Variants in LIMA1 observed in about 807,000 individuals in gnomAD.
LIMA1 encodes the protein LIM domain and actin-binding protein 1.
LIMA1 carries 52 observed loss-of-function variants against 62.6 expected under a neutral mutation model. The observed-to-expected ratio is 0.83, with a 90% CI of 0.67 to 1.05. The LOEUF (loss-of-function observed/expected upper bound fraction) is 1.05, where lower values mean the gene tolerates loss of function less well. LIMA1 is among the 50% of genes least tolerant of loss of function. LIMA1 has a pLI of 0.00. For synonymous variants in LIMA1, 302 were observed against 317.8 expected (o/e 0.95, Z 0.53); for missense variants, 780 against 902.2 (o/e 0.86, Z 1.74).
chr12:50,266,616 C>T (rs1942141956), intron 1 of LIMA1, among the ~76,000 whole-genome samples: 2 of 152,100 alleles, frequency 1.3e-5, no homozygotes, highest in South Asian at 2.1e-4. Context: ...CTACCTGGGG[C>T]GGGGTGCATC....
chr12:50,178,315 G>C (rs561223303), intron 10 of LIMA1, among the ~76,000 whole-genome samples: 1 of 152,236 alleles, frequency 6.6e-6, no homozygotes, highest in South Asian at 2.1e-4. Flanking sequence ...GGGAGGCCAG[G>C]GTGAGAGGAT....
intron 3 of LIMA1, among the ~76,000 whole-genome samples, chr12:50,223,996 C>T (rs1430183982): frequency 6.6e-6 from 1 of 151,972 alleles, no homozygotes; most frequent in African/African-American, 2.4e-5. Flanking sequence ...CCAAATCGCG[C>T]CACTGCACTC....
intron 1 of LIMA1, among the ~76,000 whole-genome samples, chr12:50,250,521 G>C (rs1287916001): frequency 7.1e-6 from 1 of 141,308 alleles, no homozygotes; most frequent in African/African-American, 2.7e-5. Flanking sequence ...GCTATGAATT[G>C]CGCCACTGGA....
chr12:50,275,218 T>C (rs1426260946), intron 1 of LIMA1, among the ~76,000 whole-genome samples: 2 of 151,350 alleles, frequency 1.3e-5, no homozygotes, highest in Non-Finnish European at 2.9e-5. Flanking sequence ...AAAAACAAAA[T>C]TAGCCAGGCG....
chr12:50,228,551 C>T (rs1421852313), intron 3 of LIMA1, among the ~76,000 whole-genome samples: 2 of 152,204 alleles, frequency 1.3e-5, no homozygotes, highest in Non-Finnish European at 2.9e-5. Flanking sequence ...ACCAAGGTGC[C>T]CCTGAGCTAA....
At chr12:50,226,676 T>C (rs1941532722) in intron 3 of LIMA1, among the ~76,000 whole-genome samples, 3 of 152,062 alleles carry the variant, frequency 2.0e-5, no homozygotes, top group Non-Finnish European at 4.4e-5. Context: ...CTGTCTCTAC[T>C]ACAAATACAA....
At position 50,215,560 on chromosome 12, in the gene LIMA1, C is replaced by T. The variant is rs1484730062; in HGVS notation, c.630+6461G>A. Among the ~76,000 whole-genome samples the T allele has an allele frequency of 4.6e-5, 7 of 151,912 alleles. No individual in the cohort carries two copies. The East Asian group carries it at 1.2e-3, about 25-fold the overall frequency. Reference sequence around the variant, plus strand: ...TCTCGGCTCACTGCAAGCTCCGCCTCCCGGGTTCACGCCATTCTCCTGCCT... The same window carrying T: ...TCTCGGCTCACTGCAAGCTCCGCCTTCCGGGTTCACGCCATTCTCCTGCCT... On this transcript the variant is annotated intron_variant, in intron 4 of 10. Coordinates refer to ENST00000341247, the MANE Select transcript of LIMA1 (RefSeq NM_016357.5).
At chr12:50,246,992 C>G (rs1468053541) in intron 2 of LIMA1, among the ~76,000 whole-genome samples, 1 of 152,090 alleles carries the variant, frequency 6.6e-6, no homozygotes, top group Non-Finnish European at 1.5e-5. Flanking sequence ...ATGTCCAGGC[C>G]AGGCACAGTG....
chr12:50,227,702 C>T (rs1029247868), intron 3 of LIMA1, among the ~76,000 whole-genome samples: 1 of 152,086 alleles, frequency 6.6e-6, no homozygotes. Context: ...CACTCCCTGT[C>T]GCCTCTGCTT....
chr12:50,230,506 G>T (rs1941594235), intron 3 of LIMA1, among the ~76,000 whole-genome samples: 1 of 152,168 alleles, frequency 6.6e-6, no homozygotes, highest in Admixed American at 6.5e-5. Flanking sequence ...AAAAACAGAG[G>T]CAAGAGGGAA....
intron 10 of LIMA1, among the ~76,000 whole-genome samples, chr12:50,179,002 A>G (rs576626441): frequency 6.8e-6 from 1 of 147,610 alleles, no homozygotes; most frequent in Non-Finnish European, 1.5e-5. Context: ...TTTTGAGAGA[A>G]TCTCGCTCTG....
intron 5 of LIMA1, among the ~76,000 whole-genome samples, chr12:50,205,644 C>T (rs571929816): frequency 3.4e-4 from 51 of 152,084 alleles, no homozygotes; most frequent in African/African-American, 1.2e-3. Context: ...CAAAACTGAT[C>T]GTAGCACTTT....
intron 9 of LIMA1, chr12:50,188,012 T>G (rs1464676374): frequency 6.6e-6 from 1 of 152,178 alleles, no homozygotes; most frequent in Non-Finnish European, 1.5e-5. Flanking sequence ...ACGACACCCT[T>G]TTTGAGAATG....
intron 8 of LIMA1, among the ~76,000 whole-genome samples, chr12:50,195,115 A>T (rs1940900408): frequency 6.6e-6 from 1 of 152,180 alleles, no homozygotes; most frequent in Non-Finnish European, 1.5e-5. Context: ...AGGTGGGAGG[A>T]CTGCTTGAGC....
intron 1 of LIMA1, among the ~76,000 whole-genome samples, chr12:50,252,506 G>A (rs1453266070): frequency 6.6e-6 from 1 of 151,346 alleles, no homozygotes; most frequent in African/African-American, 2.4e-5. Flanking sequence ...TCTCGAACCT[G>A]GGAGGCGGAG....
chr12:50,280,475 G>C (rs1942328019), intron 1 of LIMA1, among the ~76,000 whole-genome samples: 1 of 152,070 alleles, frequency 6.6e-6, no homozygotes, highest in Admixed American at 6.6e-5. Context: ...GTAGTATTAA[G>C]AAATTATTTA....
intron 10 of LIMA1, among the ~76,000 whole-genome samples, chr12:50,178,550 A>G (rs1281059225): frequency 1.3e-5 from 2 of 151,952 alleles, no homozygotes; most frequent in East Asian, 1.9e-4. Context: ...AAAAAAGAAA[A>G]AAAAACCAAC....
intron 4 of LIMA1, among the ~76,000 whole-genome samples, chr12:50,211,056 T>C (rs1592523530): frequency 6.6e-6 from 1 of 152,144 alleles, no homozygotes; most frequent in Non-Finnish European, 1.5e-5. Flanking sequence ...GCATGGTGGC[T>C]CATGCCTGTA....
chr12:50,193,993 A>AT (rs1481927698), intron 8 of LIMA1, among the ~76,000 whole-genome samples: 36 of 43,272 alleles, frequency 8.3e-4, no homozygotes, highest in East Asian at 2.2e-3. Flanking sequence ...ATATATATAT[A>AT]TATATTTTTT....
Sources: gnomAD v4.1 joint callset for allele counts (sites outside exome capture counted in the v4.1 genomes callset) on GRCh38, gnomAD v4.1.1 for gene constraint, MANE v1.5 for transcripts, NCBI Gene and HGNC (gene_info 2026-07-23, HGNC 2026-07-21) for gene names.